The following ANO10 variants were observed in gnomAD, a reference collection of about 807,000 sequenced individuals.
ANO10 encodes anoctamin-10.
In ANO10, 77 loss-of-function variants were observed where a neutral mutation model predicts 74.7. The observed-to-expected ratio is 1.03, with a 90% CI of 0.86 to 1.25. ANO10 has a LOEUF of 1.25. Ranked by LOEUF, ANO10 falls within the 50% of genes most tolerant of loss-of-function variation. The pLI is 0.00. For synonymous variants in ANO10, 279 were observed against 284.9 expected (o/e 0.98, Z 0.21); for missense variants, 721 against 778.1 (o/e 0.93, Z 0.87).
rs1429794675 is a variant in ANO10, at chr3:43,567,910, C to G, written c.1219-2183G>C. On this transcript the variant is annotated intron_variant, in intron 7 of 12. Coordinates refer to ENST00000292246, the MANE Select transcript of ANO10 (RefSeq NM_018075.5). ...GGGCAAACTGGATAAAGACTCAAGACCCATCAGTGTGCTGTATTCAGGAAA... is the reference window on the plus strand; with the variant it reads ...GGGCAAACTGGATAAAGACTCAAGAGCCATCAGTGTGCTGTATTCAGGAAA... Among the ~76,000 whole-genome samples, 5 of 152,228 alleles carry G rather than the reference C, an allele frequency of 3.3e-5. No individual in the cohort carries two copies. In the East Asian group the frequency reaches 7.7e-4, roughly 24 times the overall value.
chr3:43,385,137 T>C (rs1046754330), intron 12 of ANO10, among the ~76,000 whole-genome samples: 3 of 152,038 alleles, frequency 2.0e-5, no homozygotes, highest in African/African-American at 7.2e-5. Flanking sequence ...CAAAATAAGA[T>C]GTACAAATGG....
chr3:43,681,900 T>C (rs1575591712), intron 1 of ANO10, among the ~76,000 whole-genome samples: 1 of 152,108 alleles, frequency 6.6e-6, no homozygotes, highest in East Asian at 1.9e-4. Flanking sequence ...AGACACAACA[T>C]ACAAGAACTT....
intron 8 of ANO10, 24 bp from the exon 9 acceptor site, chr3:43,561,426 A>AT: frequency 1.2e-6 from 2 of 1,606,402 alleles, no homozygotes; most frequent in Non-Finnish European, 1.7e-6. Context: ...CACAAATCAC[A>AT]TTTTGGGAAT....
intron 12 of ANO10, among the ~76,000 whole-genome samples, chr3:43,383,648 C>T (rs1311809620): frequency 6.6e-6 from 1 of 152,018 alleles, no homozygotes; most frequent in African/African-American, 2.4e-5. Flanking sequence ...ATGTGATACA[C>T]CACATAAACA....
intron 4 of ANO10, among the ~76,000 whole-genome samples, chr3:43,581,038 CAA>C (rs2081242594): frequency 6.6e-6 from 1 of 151,992 alleles, no homozygotes; most frequent in Non-Finnish European, 1.5e-5. Flanking sequence ...AAAATTTGTA[CAA>C]ATACCTTTCC....
chr3:43,462,708 A>G (rs751555684), intron 11 of ANO10, among the ~76,000 whole-genome samples: 1 of 152,232 alleles, frequency 6.6e-6, no homozygotes, highest in East Asian at 1.9e-4. Flanking sequence ...AAATGTCTCC[A>G]GAGCATGTCA....
At chr3:43,458,831 C>T (rs750389149) in intron 11 of ANO10, among the ~76,000 whole-genome samples, 1 of 152,086 alleles carries the variant, frequency 6.6e-6, no homozygotes, top group African/African-American at 2.4e-5. Flanking sequence ...TGGACAGGCC[C>T]GGGTGTGTGA....
At chr3:43,628,992 C>T (rs569606348) in intron 1 of ANO10, among the ~76,000 whole-genome samples, 11 of 152,304 alleles carry the variant, frequency 7.2e-5, no homozygotes, top group Admixed American at 4.6e-4. Flanking sequence ...TTGTGAAGTA[C>T]GTGATCTCTG....
At chr3:43,657,666 T>C (rs898469113) in intron 1 of ANO10, among the ~76,000 whole-genome samples, 3 of 152,254 alleles carry the variant, frequency 2.0e-5, no homozygotes, top group Non-Finnish European at 4.4e-5. Flanking sequence ...TACTTCTTGC[T>C]ATGAGATGTC....
At chr3:43,496,776 T>C (rs960490889) in intron 11 of ANO10, among the ~76,000 whole-genome samples, 1 of 152,022 alleles carries the variant, frequency 6.6e-6, no homozygotes, top group Non-Finnish European at 1.5e-5. Flanking sequence ...TTATCCTTTG[T>C]CCCCCACCCC....
At chr3:43,633,995 C>CAAAAAAAAAAAAA (rs5848667) in intron 1 of ANO10, among the ~76,000 whole-genome samples, 1 of 124,042 alleles carries the variant, frequency 8.1e-6, no homozygotes. Context: ...TCATGGACAG[C>CAAAAAAAAAAAAA]AAAAAAAAAA....
intron 3 of ANO10, 21 bp downstream of exon 3, chr3:43,600,363 G>C (rs754205815): frequency 9.3e-6 from 15 of 1,612,940 alleles, no homozygotes; most frequent in Non-Finnish European, 1.2e-5. Context: ...TTCTAACAGA[G>C]ACAAAGAACT....
At chr3:43,454,240 C>T (rs1446872109) in intron 11 of ANO10, among the ~76,000 whole-genome samples, 2 of 152,076 alleles carry the variant, frequency 1.3e-5, no homozygotes, top group East Asian at 1.9e-4. Flanking sequence ...ATTGCAAGAA[C>T]GTTGAGAGGA....
At chr3:43,484,033 C>T (rs1331427632) in intron 11 of ANO10, among the ~76,000 whole-genome samples, 2 of 152,108 alleles carry the variant, frequency 1.3e-5, no homozygotes, top group African/African-American at 4.8e-5. Context: ...ACCTCCCAGA[C>T]TCAATGATCC....
intron 11 of ANO10, among the ~76,000 whole-genome samples, chr3:43,467,142 T>G (rs150739087): frequency 6.6e-6 from 1 of 152,226 alleles, no homozygotes; most frequent in Admixed American, 6.5e-5. Flanking sequence ...TCATTGCTGG[T>G]TGAAGTTTAT....
intron 1 of ANO10, among the ~76,000 whole-genome samples, chr3:43,606,200 G>A (rs1225032595): frequency 6.6e-6 from 1 of 152,222 alleles, no homozygotes; most frequent in Non-Finnish European, 1.5e-5. Flanking sequence ...ACAGGATTCA[G>A]AGGAATGAGT....
chr3:43,448,897 A>C (rs2074713323), intron 11 of ANO10, among the ~76,000 whole-genome samples: 1 of 133,506 alleles, frequency 7.5e-6, no homozygotes, highest in Non-Finnish European at 1.6e-5. Context: ...TTGGAGACAG[A>C]GTCTTGTTCT....
At chr3:43,400,956 T>C (rs1209454385) in intron 12 of ANO10, among the ~76,000 whole-genome samples, 1 of 152,124 alleles carries the variant, frequency 6.6e-6, no homozygotes, top group African/African-American at 2.4e-5. Context: ...TGTCAAGAAC[T>C]TTTTTTCCCT....
chr3:43,659,635 C>G (rs1464524316), intron 1 of ANO10, among the ~76,000 whole-genome samples: 2 of 152,212 alleles, frequency 1.3e-5, no homozygotes, highest in African/African-American at 2.4e-5. Context: ...TAGATTCCAC[C>G]TATGGGGGCA....
Sources: gnomAD v4.1 joint callset for allele counts (sites outside exome capture counted in the v4.1 genomes callset) on GRCh38, gnomAD v4.1.1 for gene constraint, MANE v1.5 for transcripts, NCBI Gene and HGNC (gene_info 2026-07-23, HGNC 2026-07-21) for gene names.